The following NIPSNAP3B variants were observed in gnomAD, a reference collection of about 807,000 sequenced individuals.
NIPSNAP3B encodes the protein protein NipSnap homolog 3B.
Under a neutral mutation model 31.5 loss-of-function variants are expected in NIPSNAP3B, and 30 were observed. The observed-to-expected ratio is 0.95, with a 90% CI of 0.71 to 1.29. The LOEUF (loss-of-function observed/expected upper bound fraction) is 1.29, where lower values mean the gene tolerates loss of function less well. Ranked by LOEUF, NIPSNAP3B falls within the 50% of genes most tolerant of loss-of-function variation. NIPSNAP3B has a pLI of 0.00. For missense variants in NIPSNAP3B, 269 were observed against 300.7 expected, an observed-to-expected ratio of 0.89 and a Z score of 0.78; for synonymous variants, 106 against 107.9, an observed-to-expected ratio of 0.98 and a Z score of 0.11.
In NIPSNAP3B at chr9:104,768,894, A is replaced by C. The variant is rs1423740406; in HGVS notation, c.303A>C (p.Lys101Asn). ...TTGCTCATCGAGCTGAAGTTCGGAA[A>C]GCCTTAGCCAACTGTAAGGAATGGC... is the stretch of plus-strand genomic sequence containing the variant. ...DNFAHRAEVR[K>N]ALANCKEWQE... The change falls in exon 3 of 6, where the codon AAA becomes AAC. Residue 101 changes from lysine to asparagine, a missense_variant. Lys to Asn is a moderately conservative substitution (Grantham distance 94). Transcript: ENST00000374762. 1.2e-6 allele frequency: 2 copies of C among 1,609,434 alleles called. No homozygotes were observed. The highest frequency in any genetic ancestry group is 1.7e-6 in the Non-Finnish European group (2 of 1,178,356).
downstream of NIPSNAP3B, among the ~76,000 whole-genome samples, chr9:104,779,436 C>T (rs1828407502): frequency 1.4e-5 from 2 of 142,596 alleles, no homozygotes; most frequent in African/African-American, 5.1e-5. Context: ...TTAACTGATA[C>T]CTAACTTCAA....
At chr9:104,771,784 G>A (rs1828226462) in intron 4 of NIPSNAP3B, among the ~76,000 whole-genome samples, 1 of 152,154 alleles carries the variant, frequency 6.6e-6, no homozygotes, top group Non-Finnish European at 1.5e-5. Flanking sequence ...TCTGCTTTTA[G>A]CTCTTTGAGG....
At chr9:104,790,684 A>T in the NIPSNAP3B span, among the ~76,000 whole-genome samples, 1 of 152,212 alleles carries the variant, frequency 6.6e-6, no homozygotes, top group African/African-American at 2.4e-5. Context: ...ATTGTATGTA[A>T]ATTATACCTG....
chr9:104,771,620 G>A (rs1198163425), intron 4 of NIPSNAP3B, among the ~76,000 whole-genome samples: 2 of 152,050 alleles, frequency 1.3e-5, no homozygotes, highest in African/African-American at 4.8e-5. Flanking sequence ...ATCTGTTGTT[G>A]GTGGGCATAT....
At position 104,774,896 on chromosome 9, in the gene NIPSNAP3B, C is replaced by G. The variant is rs1828300900; in HGVS notation, c.*1823C>G. On this transcript the variant is annotated 3_prime_UTR_variant, in exon 6 of 6. Coordinates refer to ENST00000374762, the MANE Select transcript of NIPSNAP3B (RefSeq NM_018376.4). ...TGACTCCCAGCACCTGCGCGTCCAT[C>G]TTCATTCTTAGCCAATGACCTTTCC... is the stretch of plus-strand genomic sequence containing the variant. 6.6e-6 allele frequency among the ~76,000 whole-genome samples: 1 copy of G among 152,150 alleles called. No individual in the cohort carries two copies. Among genetic ancestry groups the G allele is most frequent in the South Asian group, 2.1e-4 (1 of 4,818 alleles).
At chr9:104,777,814 A>AT (rs34935948), downstream of NIPSNAP3B, among the ~76,000 whole-genome samples, 58,356 of 152,072 alleles carry the variant, frequency 0.38, 11,345 homozygotes, top group East Asian at 0.54. Flanking sequence ...ATAGATTTGC[A>AT]TATATTTGCA....
At chr9:104,784,454 A>C in the NIPSNAP3B span, 1 of 1,614,058 alleles carries the variant, frequency 6.2e-7, no homozygotes, top group Non-Finnish European at 8.5e-7. Context: ...GTTCACAAAT[A>C]CCTGTTAAAA....
chr9:104,772,798 A>G (rs767234749), intron 4 of NIPSNAP3B, 24 bp from the exon 5 acceptor site: 12 of 1,605,370 alleles, frequency 7.5e-6, no homozygotes, highest in Non-Finnish European at 1.0e-5. Flanking sequence ...TATTTCAGAA[A>G]CTACTTGTGG....
At chr9:104,782,700 T>A (rs1199012286), downstream of NIPSNAP3B, 1 of 152,216 alleles carries the variant, frequency 6.6e-6, no homozygotes, top group Non-Finnish European at 1.5e-5. Context: ...ATCCAATATC[T>A]GCAAAGCCAA....
chr9:104,770,788 A>T, intron 3 of NIPSNAP3B, 61 bp from the exon 4 acceptor site: 1 of 1,500,722 alleles, frequency 6.7e-7, no homozygotes, highest in Non-Finnish European at 9.2e-7. Context: ...AAATCAGGAA[A>T]ACCTGGTTAG....
rs146813577 is a variant in NIPSNAP3B, at chr9:104,768,969, G to C, written c.378G>C (p.Thr126=). Residue 126 remains threonine (T), a synonymous_variant, in exon 3 of 6, where the codon ACG becomes ACC. Coordinates refer to ENST00000374762, the MANE Select transcript of NIPSNAP3B (RefSeq NM_018376.4). ...TGGCTCGCATTGATAAACAAGAGAC[G>C]GAAATTACTTACCTGATACCATGGT... ...PNLARIDKQE[T]EITYLIPWSK... is the part of the protein sequence containing the mutation. 8.2e-5 allele frequency: 132 copies of C among 1,613,710 alleles called. No individual in the cohort carries two copies. Among genetic ancestry groups the C allele is most frequent in the Non-Finnish European group, 1.1e-4 (127 of 1,179,868 alleles).
chr9:104,774,537 A>G lies in NIPSNAP3B; in HGVS notation c.*1464A>G, dbSNP rs1828293245. 6.6e-6 allele frequency among the ~76,000 whole-genome samples: 1 copy of G among 152,228 alleles called. No individual in the cohort carries two copies. The highest frequency in any genetic ancestry group is 6.5e-5 in the Admixed American group (1 of 15,280). On this transcript the variant is annotated 3_prime_UTR_variant, in exon 6 of 6. Transcript: ENST00000374762. ...ATTTAATATTTTGCTTCAGACTGTT[A>G]TAGTACCTTAGGGTTATGAACATCA... is the stretch of plus-strand genomic sequence containing the variant.
chr9:104,779,482 C>T (rs968216272), downstream of NIPSNAP3B, among the ~76,000 whole-genome samples: 2 of 152,112 alleles, frequency 1.3e-5, no homozygotes, highest in Admixed American at 1.3e-4. Flanking sequence ...TGAACCTGTA[C>T]CTTTGGACGA....
chr9:104,785,501 A>C, the NIPSNAP3B span: 1 of 1,590,474 alleles, frequency 6.3e-7, no homozygotes, highest in African/African-American at 1.4e-5. Flanking sequence ...ATGAAGATGG[A>C]AGCTGGTATT....
At chr9:104,768,771 C>T in intron 2 of NIPSNAP3B, 92 bp from the exon 3 acceptor site, 1 of 1,085,838 alleles carries the variant, frequency 9.2e-7, no homozygotes, top group Non-Finnish European at 1.3e-6. Flanking sequence ...TCCCATATGG[C>T]CTTGCACGTT....
At chr9:104,771,079 T>A in intron 4 of NIPSNAP3B, 81 bp downstream of exon 4, 2 of 1,282,288 alleles carry the variant, frequency 1.6e-6, no homozygotes, top group South Asian at 1.7e-5. Flanking sequence ...GTACCTGTTT[T>A]AATTTTTATC....
In NIPSNAP3B at chr9:104,772,818, G is replaced by A; in HGVS notation, c.581-4G>A. 4.3e-6 allele frequency: 7 copies of A among 1,611,526 alleles called. No individual in the cohort carries two copies. The highest frequency in any genetic ancestry group is 5.9e-6 in the Non-Finnish European group (7 of 1,178,684). On this transcript the variant is annotated splice_polypyrimidine_tract_variant and splice_region_variant and intron_variant, in intron 4 of 5. Coordinates refer to ENST00000374762, the MANE Select transcript of NIPSNAP3B (RefSeq NM_018376.4). Reference sequence around the variant, plus strand: ...CAGAAACTACTTGTGGTTTATTTCTGCAGTTCATGTTCTTTGGTGGAATGA... The same window carrying A: ...CAGAAACTACTTGTGGTTTATTTCTACAGTTCATGTTCTTTGGTGGAATGA...
downstream of NIPSNAP3B, among the ~76,000 whole-genome samples, chr9:104,778,666 C>T (rs558968665): frequency 6.6e-6 from 1 of 152,312 alleles, no homozygotes; most frequent in South Asian, 2.1e-4. Context: ...TCCCTCAGCC[C>T]TTACATGCAG....
At chr9:104,783,447 A>C in the NIPSNAP3B span, 1 of 152,222 alleles carries the variant, frequency 6.6e-6, no homozygotes, top group Non-Finnish European at 1.5e-5. Context: ...TGAACGCACA[A>C]TCTCTTTAAT....
Sources: allele counts gnomAD v4.1 joint callset (sites outside exome capture counted in the v4.1 genomes callset), GRCh38; gene constraint gnomAD v4.1.1; transcripts MANE v1.5; gene names NCBI Gene and HGNC (gene_info 2026-07-23, HGNC 2026-07-21).